The following DFFA variants were observed in gnomAD, a reference collection of about 807,000 sequenced individuals.
DFFA encodes the protein DNA fragmentation factor subunit alpha, also known as DFF45.
In DFFA, 14 loss-of-function variants were observed where a neutral mutation model predicts 28.0. The ratio of observed to expected loss-of-function variants is 0.50; its 90% CI spans 0.33 to 0.78. DFFA has a LOEUF of 0.78. DFFA is among the 30% of genes least tolerant of loss of function. DFFA has a pLI of 0.02. For missense variants in DFFA, 395 were observed against 407.1 expected (o/e 0.97, Z 0.26); for synonymous variants, 158 against 170.3 (o/e 0.93, Z 0.56).
chr1:10,471,546 T>C (rs913086439), intron 1 of DFFA, among the ~76,000 whole-genome samples: 4 of 152,180 alleles, frequency 2.6e-5, no homozygotes, highest in South Asian at 2.1e-4. Context: ...ATGATTTCTG[T>C]TGGTGACTGA....
chr1:10,464,227 G>C (rs1239113919), intron 3 of DFFA, among the ~76,000 whole-genome samples: 1 of 151,948 alleles, frequency 6.6e-6, no homozygotes, highest in Non-Finnish European at 1.5e-5. Context: ...TGAGCAGCTG[G>C]TACTACAGGT....
Position 10,463,558 on chromosome 1 carries a change from G to A in DFFA, c.504C>T (p.Val168=), listed in dbSNP as rs1377614092. The A allele has an allele frequency of 1.2e-6, 2 of 1,614,194 alleles. No homozygotes were observed. Among genetic ancestry groups the A allele is most frequent in the South Asian group, 2.2e-5 (2 of 91,080 alleles). ...GTTGGAGTGTGTGCTGCAGCCGCTG[G>A]ACGGTGGCACAACTCTGACGTAGTT... ...AQELRQSCAT[V]QRLQHTLQQV... Residue 168 remains valine (V), a synonymous_variant, in exon 4 of 6, where the codon GTC becomes GTT. Coordinates refer to ENST00000377038, the MANE Select transcript of DFFA (RefSeq NM_004401.3).
At chr1:10,465,190 G>A (rs1032167930) in intron 3 of DFFA, among the ~76,000 whole-genome samples, 9 of 152,306 alleles carry the variant, frequency 5.9e-5, no homozygotes, top group African/African-American at 2.2e-4. Context: ...CGCCTCCTGG[G>A]TTCAAGCTAT....
intron 2 of DFFA, 30 bp downstream of exon 2, chr1:10,469,147 G>A (rs145910223): frequency 5.6e-6 from 9 of 1,610,656 alleles, no homozygotes; most frequent in East Asian, 4.5e-5. Context: ...TACTGCATAG[G>A]CCGTTTTATA....
chr1:10,463,435 C>G lies in DFFA; in HGVS notation c.627G>C (p.Gln209His). 1 of 1,611,186 alleles carries G rather than the reference C, an allele frequency of 6.2e-7. No individual in the cohort carries two copies. The highest frequency in any genetic ancestry group is 8.5e-7 in the Non-Finnish European group (1 of 1,178,786). Residue 209 changes from glutamine to histidine, a missense_variant, in exon 4 of 6, where the codon CAG becomes CAC. By Grantham distance (24) the Gln-to-His change is conservative. Transcript: ENST00000377038. ...LEKEGSLLSK[Q>H]EESKAAFGEE... is the part of the protein sequence containing the mutation. ...TCTGCCTGCAGAGAGTCCTACCTTC[C>G]TGCTTTGACAAGAGGCTGCCCTCTT...
rs774165346 is a variant in DFFA, at chr1:10,463,158, C to T, written c.683G>A (p.Ser228Asn). Reference protein sequence around the residue: ...EEVDAVDTGISRETSSDVALA... With the variant: ...EEVDAVDTGINRETSSDVALA... ...CGCAACGTCCGAGGAGGTCTCTCTGCTGATACCCGTGTCTACTGCATCCAC... is the reference window on the plus strand; with the variant it reads ...CGCAACGTCCGAGGAGGTCTCTCTGTTGATACCCGTGTCTACTGCATCCAC... Residue 228 changes from serine to asparagine, a missense_variant, in exon 5 of 6, where the codon AGC (serine) becomes AAC (asparagine). By Grantham distance (46) the Ser-to-Asn change is conservative. Transcript: ENST00000377038. 1 of 1,614,184 alleles carries T rather than the reference C, an allele frequency of 6.2e-7. No homozygotes were observed. The highest frequency in any genetic ancestry group is 8.5e-7 in the Non-Finnish European group (1 of 1,180,030).
chr1:10,465,560 C>A (rs917416858), intron 3 of DFFA, among the ~76,000 whole-genome samples: 1 of 151,992 alleles, frequency 6.6e-6, no homozygotes, highest in African/African-American at 2.4e-5. Context: ...CCACCGTGCC[C>A]GGCTGTATTT....
rs371959339 is a variant in DFFA at position 10,461,199 on chromosome 1, C to T, written c.*291G>A. 3.5e-5 allele frequency: 12 copies of T among 338,992 alleles called. No individual in the cohort carries two copies. The highest frequency in any genetic ancestry group is 2.0e-3 in the Middle Eastern group (2 of 1,016). 21.0% of individuals were successfully genotyped at this position (338,992 alleles called of 1,614,324 possible). A position where few individuals can be genotyped will look rare whatever the true frequency, so the allele number is the denominator to read the frequency against. On this transcript the variant is annotated 3_prime_UTR_variant, in exon 6 of 6. Coordinates refer to ENST00000377038, the MANE Select transcript of DFFA (RefSeq NM_004401.3). ...CTGGGATTACAGGCGTGAGCCACTG[C>T]GCCTGGCCAATCACTGCCAATTACT...
rs1398817061 is a variant in DFFA at position 10,463,416 on chromosome 1, T to A, written c.631+15A>T. On this transcript the variant is annotated intron_variant, in intron 4 of 5. Transcript: ENST00000377038. ...CCTGAATTCTCAGAGTGACTCTGCC[T>A]GCAGAGAGTCCTACCTTCCTGCTTT... The A allele has an allele frequency of 3.1e-6, 5 of 1,600,214 alleles. No individual in the cohort carries two copies. The African/African-American group carries it at 6.7e-5, about 21-fold the overall frequency.
rs1490186712 is a variant in DFFA, at chr1:10,460,688, C to T, written c.*802G>A. On this transcript the variant is annotated 3_prime_UTR_variant, in exon 6 of 6. Transcript: ENST00000377038. ...GGGACTACAGGCTCCTGCCACCACG[C>T]CCAGCTAGTTTTTTGTACTTTTAGT... The T allele has an allele frequency of 2.0e-5, 3 of 150,956 alleles. No homozygotes were observed. Among genetic ancestry groups the T allele is most frequent in the Non-Finnish European group, 3.0e-5 (2 of 67,756 alleles). The allele number at this position is 150,956 out of a possible 1,614,324, so 9.4% of individuals were successfully genotyped here. A position where few individuals can be genotyped will look rare whatever the true frequency, so the allele number is the denominator to read the frequency against.
intron 4 of DFFA, 55 bp downstream of exon 4, chr1:10,463,376 G>C (rs1246338622): frequency 2.6e-6 from 4 of 1,566,922 alleles, no homozygotes; most frequent in Middle Eastern, 2.2e-4. Flanking sequence ...CCTCCCAAGG[G>C]ACGCCTCCAT....
intron 1 of DFFA, among the ~76,000 whole-genome samples, chr1:10,471,483 T>C (rs1172976125): frequency 6.6e-6 from 1 of 152,198 alleles, no homozygotes; most frequent in Non-Finnish European, 1.5e-5. Context: ...AAATCCATGT[T>C]ACCAAAGCAT....
At chr1:10,470,033 C>T (rs904000319) in intron 1 of DFFA, among the ~76,000 whole-genome samples, 1 of 152,002 alleles carries the variant, frequency 6.6e-6, no homozygotes, top group African/African-American at 2.4e-5. Context: ...CCAGTCTGGT[C>T]TGGAACTCCC....
chr1:10,461,736 C>G, intron 5 of DFFA, 34 bp from the exon 6 acceptor site: 1 of 1,609,962 alleles, frequency 6.2e-7, no homozygotes, highest in Admixed American at 1.7e-5. Flanking sequence ...GAGAACTGGG[C>G]CTTCTGTGCG....
chr1:10,467,057 G>T, intron 3 of DFFA, 133 bp downstream of exon 3: 12 of 973,446 alleles, frequency 1.2e-5, no homozygotes, highest in Admixed American at 3.1e-5. Flanking sequence ...AATCTTAGTT[G>T]TAATTTAAGA....
chr1:10,463,456 C>G lies in DFFA; in HGVS notation c.606G>C (p.Glu202Asp), dbSNP rs758525464. 1.9e-6 allele frequency: 3 copies of G among 1,613,646 alleles called. No homozygotes were observed. The highest frequency in any genetic ancestry group is 2.5e-6 in the Non-Finnish European group (3 of 1,179,892). Residue 202 changes from glutamate to aspartate, a missense_variant, in exon 4 of 6, where the codon GAG becomes GAC. Glu to Asp is a conservative substitution (Grantham distance 45). Transcript: ENST00000377038. Reference protein sequence around the residue: ...LQLYLQALEKEGSLLSKQEES... With the variant: ...LQLYLQALEKDGSLLSKQEES... Reference sequence around the variant, plus strand: ...CTTCCTGCTTTGACAAGAGGCTGCCCTCTTTCTCCAAAGCCTGGAGGTACA... The same window carrying G: ...CTTCCTGCTTTGACAAGAGGCTGCCGTCTTTCTCCAAAGCCTGGAGGTACA...
chr1:10,468,942 T>C lies in DFFA; in HGVS notation c.298+235A>G, dbSNP rs564925600. Reference sequence around the variant, plus strand: ...TCAGTAGAGATGGACTTTCGCCATGTTGGCCAGGCTGGTCTCAAACTCCTG... The same window carrying C: ...TCAGTAGAGATGGACTTTCGCCATGCTGGCCAGGCTGGTCTCAAACTCCTG... On this transcript the variant is annotated intron_variant, in intron 2 of 5. Transcript: ENST00000377038. 8.5e-5 allele frequency among the ~76,000 whole-genome samples: 13 copies of C among 152,296 alleles called. No homozygotes were observed. The East Asian group carries it at 2.5e-3, about 29-fold the overall frequency.
intron 5 of DFFA, among the ~76,000 whole-genome samples, chr1:10,462,229 T>G (rs1029461013): frequency 6.6e-6 from 1 of 152,170 alleles, no homozygotes; most frequent in South Asian, 2.1e-4. Context: ...CGATCTTAGC[T>G]CACGCAACCT....
chr1:10,462,414 TAAGCC>T, intron 5 of DFFA: 1 of 987,550 alleles, frequency 1.0e-6, no homozygotes. Flanking sequence ...TTAACAGGCG[TAAGCC>T]ACTGTGCCCG....
Sources: allele counts gnomAD v4.1 joint callset (sites outside exome capture counted in the v4.1 genomes callset), GRCh38; gene constraint gnomAD v4.1.1; transcripts MANE v1.5; gene names NCBI Gene and HGNC (gene_info 2026-07-23, HGNC 2026-07-21).